The following DTNB variants were observed in gnomAD, a reference collection of about 807,000 sequenced individuals.
DTNB encodes the protein dystrobrevin beta.
A neutral mutation model predicts 90.7 loss-of-function variants in DTNB; 63 were observed. That is an observed-to-expected ratio of 0.69 (90% CI 0.57 to 0.86). The LOEUF is 0.86. Among genes scored for constraint, DTNB ranks in the 40% least tolerant of loss-of-function variants. The pLI is 0.00. For missense variants in DTNB, 744 were observed against 807.1 expected (o/e 0.92, Z 0.95); for synonymous variants, 277 against 286.7 (o/e 0.97, Z 0.34).
At position 25,432,770 on chromosome 2, in the gene DTNB, C is replaced by T. The variant is rs143827738; in HGVS notation, c.1457+116G>A. 374 of 1,063,456 alleles carry T rather than the reference C, an allele frequency of 3.5e-4. 6 individuals carry two copies. In the East Asian group the frequency reaches 8.6e-3, roughly 24 times the overall value. 65.9% of individuals were successfully genotyped at this position (1,063,456 alleles called of 1,614,324 possible). ...AATGGGTGAACTCTTCAGTGGTCTG[C>T]GCTCACAGGATTGTTTATACTGAAC... On this transcript the variant is annotated intron_variant, in intron 14 of 20. Coordinates refer to ENST00000406818, the MANE Select transcript of DTNB (RefSeq NM_021907.5).
At position 25,387,294 on chromosome 2, in the gene DTNB, T is replaced by C. The variant is rs778567463; in HGVS notation, c.1820A>G (p.His607Arg). The change falls in exon 18 of 21, where the codon CAT becomes CGT. Residue 607 changes from histidine to arginine, a missense_variant. By Grantham distance (29) the His-to-Arg change is conservative. Transcript: ENST00000406818. The surrounding 1 kb of genome is among the most constrained non-coding windows in gnomAD (Gnocchi z 4.5). ...CTGGGAGCTCTGGGTTTCACCTGAA[T>C]GGAGCTCCTTCACCAGGGATGACAT... ...NTMSSLVKEL[H>R]SAEEGAEEEE... 24 of 1,610,056 alleles carry C rather than the reference T, an allele frequency of 1.5e-5. No homozygotes were observed. The highest frequency in any genetic ancestry group is 4.2e-4 in the Middle Eastern group (2 of 4,712).
At chr2:25,504,989 T>G (rs561629994) in intron 9 of DTNB, among the ~76,000 whole-genome samples, 1 of 152,208 alleles carries the variant, frequency 6.6e-6, no homozygotes, top group Non-Finnish European at 1.5e-5. Flanking sequence ...TTAGTTTGCT[T>G]CAGGTCCAAA....
intron 4 of DTNB, among the ~76,000 whole-genome samples, chr2:25,609,320 C>T (rs1448098888): frequency 4.6e-5 from 7 of 152,084 alleles, no homozygotes; most frequent in South Asian, 2.1e-4. Context: ...CCTGATGGGC[C>T]GGGTACAGTG....
chr2:25,600,002 G>T (rs146705315), intron 5 of DTNB, among the ~76,000 whole-genome samples: 1,693 of 152,312 alleles, frequency 0.011, 11 homozygotes, highest in South Asian at 0.024. Flanking sequence ...GGAGACTGAA[G>T]GGGGAGGACC....
At chr2:25,408,403 G>A (rs1330407252) in intron 16 of DTNB, among the ~76,000 whole-genome samples, 1 of 151,608 alleles carries the variant, frequency 6.6e-6, no homozygotes, top group Non-Finnish European at 1.5e-5. Context: ...GTTGGGTGTG[G>A]TGACGTGCAC....
At chr2:25,627,084 T>C (rs2074334362) in intron 4 of DTNB, among the ~76,000 whole-genome samples, 1 of 152,206 alleles carries the variant, frequency 6.6e-6, no homozygotes. Flanking sequence ...TGTTCTGCAA[T>C]GAAAAAATTT....
At chr2:25,506,633 G>A (rs1575192410) in intron 9 of DTNB, among the ~76,000 whole-genome samples, 1 of 152,172 alleles carries the variant, frequency 6.6e-6, no homozygotes. Context: ...ACCCTGACTT[G>A]ATCACCGCAC....
chr2:25,612,959 G>C (rs971947835), intron 4 of DTNB, among the ~76,000 whole-genome samples: 2 of 152,078 alleles, frequency 1.3e-5, no homozygotes, highest in African/African-American at 4.8e-5. Context: ...TCCTCATTCT[G>C]AAGGCTGTAC....
chr2:25,528,795 T>G (rs1003187411), intron 9 of DTNB, among the ~76,000 whole-genome samples: 2 of 152,244 alleles, frequency 1.3e-5, no homozygotes, highest in African/African-American at 4.8e-5. Context: ...TGATACTTTT[T>G]GTAACAGCAA....
chr2:25,443,494 C>T (rs1574533940), intron 12 of DTNB, among the ~76,000 whole-genome samples: 1 of 152,372 alleles, frequency 6.6e-6, no homozygotes, highest in South Asian at 2.1e-4. Flanking sequence ...GCATGCATTT[C>T]TGGAGCCTCC....
intron 10 of DTNB, among the ~76,000 whole-genome samples, chr2:25,464,462 T>G (rs986247021): frequency 6.6e-6 from 1 of 152,234 alleles, no homozygotes; most frequent in African/African-American, 2.4e-5. Flanking sequence ...AGTATTGGGT[T>G]ATAACCCAAA....
chr2:25,618,954 C>T (rs1170304548), intron 4 of DTNB, among the ~76,000 whole-genome samples: 2 of 152,190 alleles, frequency 1.3e-5, no homozygotes, highest in African/African-American at 4.8e-5. Flanking sequence ...CCTGAATAAA[C>T]GCTGTTATGT....
intron 20 of DTNB, among the ~76,000 whole-genome samples, chr2:25,378,827 G>A (rs2036654103): frequency 6.6e-6 from 1 of 152,226 alleles, no homozygotes; most frequent in Non-Finnish European, 1.5e-5. Context: ...GATCCTGCAT[G>A]AATCACATGT....
rs577391730 is a variant in DTNB at position 25,503,925 on chromosome 2, GA to G, written c.1002-21053del. ...CAGCAAGACTCTGTCTCAAAAAAAA[GA>G]AAAAAAAAAACAGTTTTATTTACAA... On this transcript the variant is annotated intron_variant, in intron 9 of 20. Transcript: ENST00000406818. Among the ~76,000 whole-genome samples the G allele has an allele frequency of 2.2e-3, 294 of 134,110 alleles. 1 individual carries two copies. The highest frequency in any genetic ancestry group is 4.2e-3 in the African/African-American group (155 of 36,630). 88.0% of individuals were successfully genotyped at this position (134,110 alleles called of 152,430 possible).
chr2:25,402,574 A>G (rs576453347), intron 16 of DTNB, among the ~76,000 whole-genome samples: 1 of 152,306 alleles, frequency 6.6e-6, no homozygotes, highest in South Asian at 2.1e-4. Context: ...CCGCTAACAC[A>G]CATTTACCTA....
intron 6 of DTNB, among the ~76,000 whole-genome samples, chr2:25,586,290 C>A (rs376126232): frequency 6.6e-5 from 10 of 151,820 alleles, no homozygotes; most frequent in African/African-American, 2.4e-4. Flanking sequence ...GCAGGCGGAT[C>A]ACTTGAGGTC....
intron 4 of DTNB, among the ~76,000 whole-genome samples, chr2:25,626,428 A>G (rs1331001035): frequency 6.6e-6 from 1 of 152,194 alleles, no homozygotes; most frequent in Non-Finnish European, 1.5e-5. Context: ...AAATGGCATT[A>G]GAATTCTGGG....
At chr2:25,570,338 G>T (rs2059650621) in intron 8 of DTNB, among the ~76,000 whole-genome samples, 1 of 145,142 alleles carries the variant, frequency 6.9e-6, no homozygotes, top group Non-Finnish European at 1.5e-5. Flanking sequence ...AGCCCAGGAG[G>T]TCAAGGCTGT....
intron 9 of DTNB, among the ~76,000 whole-genome samples, chr2:25,487,706 G>C (rs1289383199): frequency 2.0e-5 from 3 of 152,150 alleles, no homozygotes; most frequent in African/African-American, 4.8e-5. Context: ...AAAGAATTAA[G>C]AGAACCCTAG....
Sources: allele counts gnomAD v4.1 joint callset (sites outside exome capture counted in the v4.1 genomes callset), GRCh38; gene constraint gnomAD v4.1.1; non-coding constraint Gnocchi (gnomAD v3.1); transcripts MANE v1.5; gene names NCBI Gene and HGNC (gene_info 2026-07-23, HGNC 2026-07-21).